The following SLC4A4 variants were observed in gnomAD, a reference collection of about 807,000 sequenced individuals.
The protein encoded by SLC4A4 is solute carrier family 4 member 4.
SLC4A4 carries 27 observed loss-of-function variants against 111.5 expected under a neutral mutation model. The ratio of observed to expected loss-of-function variants is 0.24; its 90% confidence interval spans 0.18 to 0.33. The LOEUF is 0.33. Ranked by LOEUF, SLC4A4 falls within the 10% of genes least tolerant of loss-of-function variation. The probability of loss-of-function intolerance (pLI) is 1.00; values close to 1 mark genes in which losing one functional copy is unlikely to be tolerated. For missense variants in SLC4A4, 909 were observed against 1,315.5 expected (o/e 0.69, Z 4.78); for synonymous variants, 443 against 463.4 (o/e 0.96, Z 0.57).
At chr4:71,221,315 G>T (rs560167466) in intron 1 of SLC4A4, among the ~76,000 whole-genome samples, 1 of 152,238 alleles carries the variant, frequency 6.6e-6, no homozygotes, top group African/African-American at 2.4e-5. Context: ...CACTGTGAAG[G>T]ACAGTGTTTT....
chr4:71,382,751 G>A (rs745569431), intron 6 of SLC4A4, among the ~76,000 whole-genome samples: 4 of 152,150 alleles, frequency 2.6e-5, no homozygotes, highest in Admixed American at 6.5e-5. Context: ...GTGATTCTAT[G>A]AGCCACATCT....
intron 3 of SLC4A4, among the ~76,000 whole-genome samples, chr4:71,320,966 G>T (rs1215388992): frequency 6.6e-6 from 1 of 152,054 alleles, no homozygotes; most frequent in East Asian, 1.9e-4. Flanking sequence ...TAGATGCCTT[G>T]AAGTGTTATA....
intron 1 of SLC4A4, among the ~76,000 whole-genome samples, chr4:71,224,503 G>T (rs771660703): frequency 6.6e-6 from 1 of 152,180 alleles, no homozygotes; most frequent in Non-Finnish European, 1.5e-5. Flanking sequence ...TAATTTCTCT[G>T]TATTTCAGAT....
At chr4:71,466,388 C>A in intron 12 of SLC4A4, 56 bp from the exon 13 acceptor site, 2 of 1,605,680 alleles carry the variant, frequency 1.2e-6, no homozygotes, top group Non-Finnish European at 1.7e-6. Flanking sequence ...AGTGACATCA[C>A]AAATGAGAAG....
At chr4:71,145,272 C>A (rs1251965145) in intron 2 of SLC4A4, among the ~76,000 whole-genome samples, 1 of 152,174 alleles carries the variant, frequency 6.6e-6, no homozygotes, top group Non-Finnish European at 1.5e-5. Flanking sequence ...TATGTTGAAC[C>A]AGACTTGCAT....
At chr4:71,111,518 G>A (rs965894539) in intron 2 of SLC4A4, among the ~76,000 whole-genome samples, 11 of 126,996 alleles carry the variant, frequency 8.7e-5, no homozygotes, top group African/African-American at 2.8e-4. Flanking sequence ...CTGCCACCAC[G>A]CTCAGGTTTT....
intron 1 of SLC4A4, among the ~76,000 whole-genome samples, chr4:71,070,833 G>A (rs1741641652): frequency 6.6e-6 from 1 of 152,148 alleles, no homozygotes; most frequent in Non-Finnish European, 1.5e-5. Context: ...AAGTGGAGTG[G>A]GAGGCTGGGG....
intron 7 of SLC4A4, among the ~76,000 whole-genome samples, chr4:71,428,724 G>A (rs1723374092): frequency 6.6e-6 from 1 of 152,006 alleles, no homozygotes; most frequent in Non-Finnish European, 1.5e-5. Context: ...ATTTGCCCAG[G>A]AAAACAGGTG....
intron 12 of SLC4A4, among the ~76,000 whole-genome samples, chr4:71,461,588 A>C (rs999234364): frequency 3.9e-5 from 6 of 152,180 alleles, no homozygotes; most frequent in Non-Finnish European, 7.3e-5. Flanking sequence ...TGGCCTTGGC[A>C]GCCCTTGCCC....
intron 3 of SLC4A4, among the ~76,000 whole-genome samples, chr4:71,329,107 A>G (rs748459155): frequency 6.6e-6 from 1 of 151,954 alleles, no homozygotes; most frequent in African/African-American, 2.4e-5. Context: ...TGGCACCTCT[A>G]TAAAAAATGA....
At position 71,274,234 on chromosome 4, in the gene SLC4A4, A is replaced by G. The variant is rs565292181; in HGVS notation, c.253+18835A>G. On this transcript the variant is annotated intron_variant, in intron 3 of 25. Transcript: ENST00000264485. ...TTTACTACTGATTAAGTGGAAGTGG[A>G]TCATCACAAAGGTTTTCACTGTCGT... is the stretch of plus-strand genomic sequence containing the variant. Among the ~76,000 whole-genome samples the G allele has an allele frequency of 3.2e-3, 485 of 152,330 alleles. 1 individual carries two copies. Among genetic ancestry groups the G allele is most frequent in the Middle Eastern group, 6.8e-3 (2 of 294 alleles).
chr4:71,178,832 G>A (rs1745186258), intron 2 of SLC4A4, among the ~76,000 whole-genome samples: 1 of 152,124 alleles, frequency 6.6e-6, no homozygotes, highest in South Asian at 2.1e-4. Context: ...GAAAAAGAGG[G>A]AATCCTCCCT....
chr4:71,371,583 A>G lies in SLC4A4; in HGVS notation c.730+14396A>G, dbSNP rs554462224. Reference sequence around the variant, plus strand: ...CCAGTATACCTATCCAAAACTATTCAGTAGGACCTGAATGAAGTTCCATCT... The same window carrying G: ...CCAGTATACCTATCCAAAACTATTCGGTAGGACCTGAATGAAGTTCCATCT... On this transcript the variant is annotated intron_variant, in intron 6 of 25. Coordinates refer to ENST00000264485, the MANE Select transcript of SLC4A4 (RefSeq NM_001098484.3). Among the ~76,000 whole-genome samples, 6 of 152,210 alleles carry G rather than the reference A, an allele frequency of 3.9e-5. 1 individual carries two copies. The South Asian group carries it at 1.2e-3, about 32-fold the overall frequency.
chr4:71,172,456 A>T (rs1243797553), intron 2 of SLC4A4, among the ~76,000 whole-genome samples: 5 of 152,024 alleles, frequency 3.3e-5, no homozygotes, highest in Non-Finnish European at 7.4e-5. Context: ...GGGTTTCACC[A>T]TGTTGGCCAG....
intron 2 of SLC4A4, among the ~76,000 whole-genome samples, chr4:71,099,347 T>A (rs1241539024): frequency 6.6e-6 from 1 of 152,184 alleles, no homozygotes; most frequent in Non-Finnish European, 1.5e-5. Context: ...GCTGAATGAC[T>A]TTTGGGTAAA....
intron 7 of SLC4A4, among the ~76,000 whole-genome samples, chr4:71,421,558 T>G (rs1722509527): frequency 6.6e-6 from 1 of 152,176 alleles, no homozygotes; most frequent in African/African-American, 2.4e-5. Flanking sequence ...ACACCACACC[T>G]ATTCCAAAAT....
At chr4:71,276,680 TG>T (rs1450331623) in intron 3 of SLC4A4, among the ~76,000 whole-genome samples, 7 of 152,128 alleles carry the variant, frequency 4.6e-5, no homozygotes, top group Admixed American at 4.6e-4. Context: ...TTCTGTGGTA[TG>T]GATGCACCAC....
At chr4:71,091,429 AT>A (rs1432523029) in intron 1 of SLC4A4, among the ~76,000 whole-genome samples, 1 of 151,020 alleles carries the variant, frequency 6.6e-6, no homozygotes, top group Non-Finnish European at 1.5e-5. Flanking sequence ...ATTTTTTTGT[AT>A]TTTTAGTAGA....
At chr4:71,142,500 TCTTA>T (rs372712263) in intron 2 of SLC4A4, among the ~76,000 whole-genome samples, 41 of 152,220 alleles carry the variant, frequency 2.7e-4, no homozygotes, top group African/African-American at 9.6e-4. Flanking sequence ...ACCTTAAATT[TCTTA>T]CTTTCTTTCT....
Sources: gnomAD v4.1 joint callset for allele counts (sites outside exome capture counted in the v4.1 genomes callset) on GRCh38, gnomAD v4.1.1 for gene constraint, MANE v1.5 for transcripts, NCBI Gene and HGNC (gene_info 2026-07-23, HGNC 2026-07-21) for gene names.